CDH2: variants seen among roughly 807,000 people sequenced by gnomAD.
CDH2 encodes the protein cadherin-2.
A neutral mutation model predicts 92.0 loss-of-function variants in CDH2; 17 were observed. The observed-to-expected ratio is 0.18, with a 90% CI of 0.13 to 0.28. CDH2 has a LOEUF of 0.28. Ranked by LOEUF, CDH2 falls within the 10% of genes least tolerant of loss-of-function variation. CDH2 has a pLI of 1.00. For missense variants in CDH2, 862 were observed against 1,133.1 expected (o/e 0.76, Z 3.44); for synonymous variants, 419 against 415.9 (o/e 1.01, Z -0.09).
At position 28,016,629 on chromosome 18, in the gene CDH2, T is replaced by C. The variant is rs538314610; in HGVS notation, c.173-2720A>G. Among the ~76,000 whole-genome samples the C allele has an allele frequency of 3.3e-5, 5 of 152,302 alleles. No homozygotes were observed. In the East Asian group the frequency reaches 9.7e-4, roughly 29 times the overall value. On this transcript the variant is annotated intron_variant, in intron 2 of 15. Coordinates refer to ENST00000269141, the MANE Select transcript of CDH2 (RefSeq NM_001792.5). ...ATTGTTTCTGTTCTGCAGATGAGGA[T>C]GAAAACTTCAAGTCATCTATGCACA...
chr18:28,090,368 C>A (rs2015014394), intron 2 of CDH2, among the ~76,000 whole-genome samples: 1 of 152,120 alleles, frequency 6.6e-6, no homozygotes, highest in Non-Finnish European at 1.5e-5. Flanking sequence ...ATTCCAAGGG[C>A]CTTTAAAAGG....
intron 1 of CDH2, among the ~76,000 whole-genome samples, chr18:28,166,065 G>A (rs1390064868): frequency 1.4e-5 from 2 of 147,486 alleles, no homozygotes; most frequent in Non-Finnish European, 3.0e-5. Context: ...ATAGTGTGAC[G>A]TTTGAGGAAG....
intron 2 of CDH2, 33 bp downstream of exon 2, chr18:28,147,640 C>T (rs182707996): frequency 3.1e-6 from 4 of 1,305,574 alleles, no homozygotes; most frequent in Non-Finnish European, 4.4e-6. Context: ...AGCATGGACA[C>T]TGCATGTACA....
chr18:28,080,292 T>C (rs1162118145), intron 2 of CDH2, among the ~76,000 whole-genome samples: 4 of 152,138 alleles, frequency 2.6e-5, no homozygotes, highest in Admixed American at 6.5e-5. Context: ...ACACCAGAAT[T>C]CAGAAATCTA....
Position 28,004,320 on chromosome 18 carries a change from A to C in CDH2, c.848-1151T>G, listed in dbSNP as rs533894736. Among the ~76,000 whole-genome samples the C allele has an allele frequency of 3.9e-5, 6 of 152,372 alleles. No individual in the cohort carries two copies. The South Asian group carries it at 1.2e-3, about 32-fold the overall frequency. On this transcript the variant is annotated intron_variant, in intron 6 of 15. Transcript: ENST00000269141. ...ATAAACATTTGCTGAATGAATGAAT[A>C]AATCATCAGAATAAAAAGGTATCTT...
At chr18:28,009,470 A>C (rs1191972350) in intron 5 of CDH2, among the ~76,000 whole-genome samples, 3 of 152,318 alleles carry the variant, frequency 2.0e-5, no homozygotes, top group Admixed American at 6.5e-5. Context: ...CAATATGTAA[A>C]GAGTAATGAG....
Position 27,985,780 on chromosome 18 carries a change from C to T in CDH2, c.1742-19G>A. The T allele has an allele frequency of 2.8e-6, 4 of 1,408,982 alleles. No homozygotes were observed. The highest frequency in any genetic ancestry group is 4.0e-6 in the Non-Finnish European group (4 of 1,001,534). The allele number at this position is 1,408,982 out of a possible 1,614,324, so 87.3% of individuals were successfully genotyped here. A position where few individuals can be genotyped will look rare whatever the true frequency, so the allele number is the denominator to read the frequency against. Reference sequence around the variant, plus strand: ...GGAATTCCTGAAAAGAGAGAAAAATCACAAATGATGCTGAACAGTTCTCTC... The same window carrying T: ...GGAATTCCTGAAAAGAGAGAAAAATTACAAATGATGCTGAACAGTTCTCTC... On this transcript the variant is annotated intron_variant, in intron 11 of 15. Coordinates refer to ENST00000269141, the MANE Select transcript of CDH2 (RefSeq NM_001792.5).
intron 5 of CDH2, among the ~76,000 whole-genome samples, chr18:28,008,757 G>A (rs145267300): frequency 2.7e-5 from 4 of 150,658 alleles, no homozygotes; most frequent in African/African-American, 9.7e-5. Flanking sequence ...AAAAAAAAAA[G>A]AAAAAACTTC....
At chr18:28,073,336 A>C (rs140826862) in intron 2 of CDH2, among the ~76,000 whole-genome samples, 48 of 152,304 alleles carry the variant, frequency 3.2e-4, no homozygotes, top group African/African-American at 1.1e-3. Context: ...GGCCTTTAAA[A>C]AGCTTAAACG....
intron 2 of CDH2, among the ~76,000 whole-genome samples, chr18:28,106,138 C>G (rs954404776): frequency 3.3e-5 from 5 of 152,190 alleles, no homozygotes; most frequent in African/African-American, 1.2e-4. Context: ...TATATCTGGC[C>G]GGGTGCAGTG....
chr18:28,050,669 G>A (rs1486744620), intron 2 of CDH2, among the ~76,000 whole-genome samples: 1 of 152,100 alleles, frequency 6.6e-6, no homozygotes, highest in African/African-American at 2.4e-5. Context: ...CTGCATAGAG[G>A]AGATATAATG....
intron 2 of CDH2, among the ~76,000 whole-genome samples, chr18:28,105,757 T>G (rs2015310360): frequency 2.0e-5 from 3 of 152,246 alleles, no homozygotes; most frequent in African/African-American, 7.2e-5. Context: ...AGTTCTTAAT[T>G]TAAAATATAA....
intron 1 of CDH2, among the ~76,000 whole-genome samples, chr18:28,165,217 C>G (rs1055273693): frequency 6.6e-6 from 1 of 152,164 alleles, no homozygotes; most frequent in African/African-American, 2.4e-5. Flanking sequence ...CAGTCTTGCT[C>G]TGTTGCCCAG....
chr18:28,120,498 C>T (rs2015569277), intron 2 of CDH2, among the ~76,000 whole-genome samples: 1 of 151,962 alleles, frequency 6.6e-6, no homozygotes, highest in Non-Finnish European at 1.5e-5. Flanking sequence ...AAAAACTTTG[C>T]TATTACATAG....
intron 6 of CDH2, among the ~76,000 whole-genome samples, chr18:28,004,367 T>C (rs2012853630): frequency 2.0e-5 from 3 of 152,186 alleles, no homozygotes; most frequent in Non-Finnish European, 2.9e-5. Flanking sequence ...AGCCAAAATA[T>C]AGATCACAAC....
chr18:28,169,937 T>C (rs2016439913), intron 1 of CDH2, among the ~76,000 whole-genome samples: 1 of 152,228 alleles, frequency 6.6e-6, no homozygotes, highest in Admixed American at 6.5e-5. Context: ...ACTAGTAAGG[T>C]CCACTTTCAA....
In CDH2 at chr18:28,017,369, G is replaced by A. The variant is rs114555274; in HGVS notation, c.173-3460C>T. 3.0e-3 allele frequency among the ~76,000 whole-genome samples: 452 copies of A among 151,944 alleles called. 2 individuals carry two copies. Among genetic ancestry groups the A allele is most frequent in the African/African-American group, 0.01 (431 of 41,462 alleles). On this transcript the variant is annotated intron_variant, in intron 2 of 15. Transcript: ENST00000269141. ...GTTGTATACTTCCAGGAATTTATCCGTCTCCTGTATATTTCATTGTTTAAG... is the reference window on the plus strand; with the variant it reads ...GTTGTATACTTCCAGGAATTTATCCATCTCCTGTATATTTCATTGTTTAAG...
intron 6 of CDH2, among the ~76,000 whole-genome samples, chr18:27,937,884 C>A (rs1909052909): frequency 6.6e-6 from 1 of 152,074 alleles, no homozygotes; most frequent in African/African-American, 2.4e-5. Flanking sequence ...TTGAAAACAC[C>A]AAAATATTTT....
chr18:28,012,611 C>T (rs1056116471), intron 3 of CDH2, among the ~76,000 whole-genome samples: 2 of 152,162 alleles, frequency 1.3e-5, no homozygotes, highest in African/African-American at 4.8e-5. Context: ...GCCATTAGCC[C>T]TTGCTGCTTC....
Sources: gnomAD v4.1 joint callset for allele counts (sites outside exome capture counted in the v4.1 genomes callset) on GRCh38, gnomAD v4.1.1 for gene constraint, MANE v1.5 for transcripts, NCBI Gene and HGNC (gene_info 2026-07-23, HGNC 2026-07-21) for gene names.